Variants in RCOR1 observed in about 807,000 individuals in gnomAD.
The protein encoded by RCOR1 is REST corepressor.
Under a neutral mutation model 64.0 loss-of-function variants are expected in RCOR1, and 12 were observed. That is an observed-to-expected ratio of 0.19 (90% confidence interval 0.12 to 0.30). RCOR1 has a LOEUF of 0.30. RCOR1 is among the 10% of genes least tolerant of loss of function. The pLI, the probability that RCOR1 is intolerant of heterozygous loss-of-function variation, is 1.00. For missense variants in RCOR1, 502 were observed against 621.2 expected, an observed-to-expected ratio of 0.81 and a Z score of 2.04; for synonymous variants, 279 against 227.2, an observed-to-expected ratio of 1.23 and a Z score of -2.05.
intron 2 of RCOR1, among the ~76,000 whole-genome samples, chr14:102,619,534 G>A (rs1311594169): frequency 6.8e-6 from 1 of 146,308 alleles, no homozygotes; most frequent in Non-Finnish European, 1.5e-5. Context: ...AGGCTGGACT[G>A]TAGTGGCGTG....
chr14:102,720,831 A>G, intron 8 of RCOR1, 176 bp from the exon 9 acceptor site: 1 of 483,606 alleles, frequency 2.1e-6, no homozygotes, highest in East Asian at 3.5e-5. Flanking sequence ...GAACAAGCAA[A>G]TAATAAACCT....
intron 2 of RCOR1, among the ~76,000 whole-genome samples, chr14:102,670,015 A>T (rs957777941): frequency 6.6e-6 from 1 of 152,110 alleles, no homozygotes; most frequent in African/African-American, 2.4e-5. Context: ...CAGTGGTGTG[A>T]CCTCAGCTCA....
chr14:102,635,571 G>A (rs1293978805), intron 2 of RCOR1, among the ~76,000 whole-genome samples: 1 of 151,996 alleles, frequency 6.6e-6, no homozygotes, highest in Non-Finnish European at 1.5e-5. Flanking sequence ...TGAGCTAAAA[G>A]TAGCTATATT....
intron 3 of RCOR1, among the ~76,000 whole-genome samples, chr14:102,691,727 C>G (rs1895536783): frequency 6.6e-6 from 1 of 152,108 alleles, no homozygotes; most frequent in Non-Finnish European, 1.5e-5. Context: ...CTAGTGGAAG[C>G]CTTCTATTAA....
At chr14:102,660,233 A>T (rs4906248) in intron 2 of RCOR1, among the ~76,000 whole-genome samples, 56,053 of 152,046 alleles carry the variant, frequency 0.37, 11,289 homozygotes, top group African/African-American at 0.53. Flanking sequence ...TATGCTGATT[A>T]TAGTAAAACA....
intron 2 of RCOR1, chr14:102,657,997 CAG>C (rs1894760653): frequency 1.1e-6 from 1 of 936,002 alleles, no homozygotes; most frequent in Non-Finnish European, 1.3e-6. Context: ...TATTTTGAGA[CAG>C]AGTCTTGCTC....
chr14:102,597,886 G>A (rs1303164343), intron 2 of RCOR1, among the ~76,000 whole-genome samples: 2 of 149,278 alleles, frequency 1.3e-5, no homozygotes, highest in Non-Finnish European at 1.5e-5. Flanking sequence ...GCATGATCTC[G>A]ATCTCGGCTC....
At chr14:102,599,961 G>A (rs1893351742) in intron 2 of RCOR1, among the ~76,000 whole-genome samples, 2 of 151,868 alleles carry the variant, frequency 1.3e-5, no homozygotes, top group African/African-American at 2.4e-5. Context: ...ACATCACCAC[G>A]CTTGAGCCCA....
rs1162148563 is a variant in RCOR1, at chr14:102,592,995, G to T, written c.109G>T (p.Ala37Ser). The change falls in exon 1 of 12, where the codon GCC becomes TCC. Residue 37 changes from alanine (A) to serine (S), a missense_variant. Physicochemically the swap from Ala to Ser is moderately conservative, Grantham distance 99 (BLOSUM62 1). Transcript: ENST00000262241. Reference sequence around the variant, plus strand: ...CGCCGCCTCCGCCGCCGCCTCGGCCGCCTGCGCCTCGCCAGCCGCCACTGC... The same window carrying T: ...CGCCGCCTCCGCCGCCGCCTCGGCCTCCTGCGCCTCGCCAGCCGCCACTGC... ...AAAASAAASA[A>S]CASPAATAAS... The T allele has an allele frequency of 5.1e-6, 6 of 1,174,490 alleles. No individual in the cohort carries two copies. The highest frequency in any genetic ancestry group is 3.2e-6 in the Non-Finnish European group (3 of 951,468). The allele number at this position is 1,174,490 out of a possible 1,614,324, so 72.8% of individuals were successfully genotyped here.
intron 2 of RCOR1, among the ~76,000 whole-genome samples, chr14:102,616,685 G>A (rs567882937): frequency 6.6e-6 from 1 of 152,082 alleles, no homozygotes; most frequent in African/African-American, 2.4e-5. Flanking sequence ...GTTGGGATGG[G>A]CCACCCTCCC....
At chr14:102,694,687 C>T (rs368499903) in intron 3 of RCOR1, among the ~76,000 whole-genome samples, 2 of 152,164 alleles carry the variant, frequency 1.3e-5, no homozygotes, top group East Asian at 1.9e-4. Flanking sequence ...TTTTCCACCC[C>T]AGAGAGGGAG....
chr14:102,634,854 G>C (rs1894203089), intron 2 of RCOR1, among the ~76,000 whole-genome samples: 1 of 150,394 alleles, frequency 6.6e-6, no homozygotes, highest in Non-Finnish European at 1.5e-5. Context: ...GTGCCACCAT[G>C]CCTGGCTAAT....
intron 2 of RCOR1, chr14:102,658,588 C>T (rs1894772135): frequency 1.0e-6 from 1 of 985,278 alleles, no homozygotes. Context: ...CTACCTACCC[C>T]CCATCCTTTT....
chr14:102,632,522 T>G (rs759306878), intron 2 of RCOR1, among the ~76,000 whole-genome samples: 1 of 152,110 alleles, frequency 6.6e-6, no homozygotes, highest in Non-Finnish European at 1.5e-5. Flanking sequence ...TGGTTTCTAA[T>G]AGAGAGCTTT....
At chr14:102,666,855 C>A (rs1246033566) in intron 2 of RCOR1, among the ~76,000 whole-genome samples, 1 of 152,162 alleles carries the variant, frequency 6.6e-6, no homozygotes, top group Non-Finnish European at 1.5e-5. Flanking sequence ...GAGTACTTTA[C>A]AGTGGAAACG....
At chr14:102,664,359 C>T (rs1356382047) in intron 2 of RCOR1, among the ~76,000 whole-genome samples, 1 of 152,160 alleles carries the variant, frequency 6.6e-6, no homozygotes, top group Non-Finnish European at 1.5e-5. Flanking sequence ...AAATCGTCTA[C>T]CCGCCTGAGC....
intron 2 of RCOR1, among the ~76,000 whole-genome samples, chr14:102,613,518 C>T (rs1293193019): frequency 2.0e-5 from 3 of 150,592 alleles, no homozygotes; most frequent in African/African-American, 2.4e-5. Flanking sequence ...CTGCAAGCTC[C>T]GCCTTCCGGG....
chr14:102,723,209 T>C (rs755211848), intron 11 of RCOR1, among the ~76,000 whole-genome samples: 28 of 152,384 alleles, frequency 1.8e-4, no homozygotes, highest in Middle Eastern at 3.4e-3. Flanking sequence ...AAAGTCACTT[T>C]CACATCAAAG....
At chr14:102,643,997 T>C (rs1250002021) in intron 2 of RCOR1, among the ~76,000 whole-genome samples, 2 of 152,170 alleles carry the variant, frequency 1.3e-5, no homozygotes, top group African/African-American at 4.8e-5. Context: ...ACAACAACAA[T>C]CGTTTTATTA....
Sources: allele counts gnomAD v4.1 joint callset (sites outside exome capture counted in the v4.1 genomes callset), GRCh38; gene constraint gnomAD v4.1.1; transcripts MANE v1.5; gene names NCBI Gene and HGNC (gene_info 2026-07-23, HGNC 2026-07-21).